Variants in TCOF1 observed in about 807,000 individuals in gnomAD.
TCOF1 encodes the protein treacle ribosome biogenesis factor 1.
In TCOF1, 33 loss-of-function variants were observed where a neutral mutation model predicts 149.0. The observed-to-expected ratio is 0.22, with a 90% CI of 0.17 to 0.30. TCOF1 has a LOEUF of 0.30. Among genes scored for constraint, TCOF1 ranks in the 10% least tolerant of loss-of-function variants. The pLI is 1.00. For synonymous variants in TCOF1, 789 were observed against 738.8 expected (o/e 1.07, Z -1.10); for missense variants, 1,728 against 1,840.7 (o/e 0.94, Z 1.12).
Position 150,393,426 on chromosome 5 carries a change from T to C in TCOF1, c.3658T>C (p.Ser1220Pro), listed in dbSNP as rs746397186. 141 of 1,613,944 alleles carry C rather than the reference T, an allele frequency of 8.7e-5. No homozygotes were observed. The highest frequency in any genetic ancestry group is 1.1e-4 in the Non-Finnish European group (135 of 1,180,010). ...PGLTPANSQA[S>P]KATPKLDSSP... ...ACTAACCCCAGCCAATTCCCAGGCC[T>C]CAAAAGCCACTCCCAAGCTAGACTC... is the stretch of plus-strand genomic sequence containing the variant. Residue 1220 changes from serine (S) to proline (P), a missense_variant, in exon 23 of 27, where the codon TCA becomes CCA. Transcript: ENST00000643257.
At chr5:150,388,161 G>T in intron 18 of TCOF1, 73 bp downstream of exon 18, 1 of 1,593,910 alleles carries the variant, frequency 6.3e-7, no homozygotes, top group South Asian at 1.1e-5. Flanking sequence ...GAAGGGACAG[G>T]ACACTGGCTG....
At chr5:150,363,099 A>G (rs537806286) in intron 2 of TCOF1, among the ~76,000 whole-genome samples, 1 of 152,106 alleles carries the variant, frequency 6.6e-6, no homozygotes, top group Non-Finnish European at 1.5e-5. Flanking sequence ...TACCGGTTGG[A>G]GGCTCCCCGA....
intron 15 of TCOF1, 59 bp from the exon 16 acceptor site, chr5:150,379,170 G>T (rs917269472): frequency 1.2e-6 from 2 of 1,613,988 alleles, no homozygotes; most frequent in Non-Finnish European, 1.7e-6. Flanking sequence ...CCATAGTGGG[G>T]AGTGGGACCT....
rs750054241 is a variant in TCOF1, at chr5:150,367,912, G to A, written c.373G>A (p.Ala125Thr). The A allele has an allele frequency of 6.2e-7, 1 of 1,614,166 alleles. No individual in the cohort carries two copies. Among genetic ancestry groups the A allele is most frequent in the Non-Finnish European group, 8.5e-7 (1 of 1,180,008 alleles). ...ADLPSSMKEK[A>T]KAETEKAGKT... The stretch of plus-strand genomic sequence containing the variant: ...CTTGCCATCAAGCATGAAAGAAAAA[G>A]CCAAGGTGAGTGGGACTGCCTTCCA... The change falls in exon 4 of 27, where the codon GCC becomes ACC. Residue 125 changes from alanine (A) to threonine (T), a missense_variant. Ala to Thr is a moderately conservative substitution (Grantham distance 58, BLOSUM62 0). This residue lies in a region of TCOF1 where 1,696 missense variants were observed against 1,765.4 expected (regional missense o/e 0.96). Coordinates refer to ENST00000643257, the MANE Select transcript of TCOF1 (RefSeq NM_001371623.1).
In TCOF1 at chr5:150,391,641, C is replaced by T. The variant is rs1356840664; in HGVS notation, c.3281C>T (p.Thr1094Ile). ...GAGGCTCAGCCTCCTGTTGCCAGGACCCAGCCTTCAAGTGGGGTGAGCTTG... is the reference window on the plus strand; with the variant it reads ...GAGGCTCAGCCTCCTGTTGCCAGGATCCAGCCTTCAAGTGGGGTGAGCTTG... Reference protein sequence around the residue: ...ASEAQPPVARTQPSSGVDSAV... With the variant: ...ASEAQPPVARIQPSSGVDSAV... The change falls in exon 20 of 27, where the codon ACC becomes ATC. Residue 1094 changes from threonine (T) to isoleucine (I), a missense_variant. Physicochemically the swap from Thr to Ile is moderately conservative, Grantham distance 89 (BLOSUM62 -1). Coordinates refer to ENST00000643257, the MANE Select transcript of TCOF1 (RefSeq NM_001371623.1). 1 of 1,613,990 alleles carries T rather than the reference C, an allele frequency of 6.2e-7. No homozygotes were observed. Among genetic ancestry groups the T allele is most frequent in the South Asian group, 1.1e-5 (1 of 91,086 alleles).
At position 150,372,184 on chromosome 5, in the gene TCOF1, G is replaced by C; in HGVS notation, c.818G>C (p.Ser273Thr). Residue 273 changes from serine (S) to threonine (T), a missense_variant, in exon 7 of 27, where the codon AGT (serine) becomes ACT (threonine). Ser to Thr is a moderately conservative substitution (Grantham distance 58, BLOSUM62 1). Around this residue, in one of 2 missense-constraint regions of TCOF1, gnomAD observed 1,696 missense variants for 1,765.4 expected, o/e 0.96. Transcript: ENST00000643257. ...AAGCCAGAAGAGGAGTCAGAGAGTA[G>C]TGAGGAGGGATCTGAAAGTGAGGAG... ...AKKPEEESES[S>T]EEGSESEEEA... The C allele has an allele frequency of 6.2e-7, 1 of 1,602,402 alleles. No individual in the cohort carries two copies. The highest frequency in any genetic ancestry group is 8.6e-7 in the Non-Finnish European group (1 of 1,169,584).
In TCOF1 at chr5:150,380,086, GA is replaced by G. The variant is rs878900348; in HGVS notation, c.2859+362del. Reference sequence around the variant, plus strand: ...AGACTGTCTCAAAAAAAAAAAAAAAGAAAAAAAAGAAAAGTGAAAAACCAGG... The same window carrying G: ...AGACTGTCTCAAAAAAAAAAAAAAAGAAAAAAAGAAAAGTGAAAAACCAGG... On this transcript the variant is annotated intron_variant, in intron 17 of 26. Transcript: ENST00000643257. The G allele has an allele frequency of 6.1e-5, 15 of 246,602 alleles. No homozygotes were observed. The East Asian group carries it at 1.2e-3, about 20-fold the overall frequency. The allele number at this position is 246,602 out of a possible 1,614,324, so 15.3% of individuals were successfully genotyped here.
intron 24 of TCOF1, among the ~76,000 whole-genome samples, chr5:150,397,469 A>C (rs1442606997): frequency 1.3e-5 from 2 of 152,132 alleles, no homozygotes; most frequent in Non-Finnish European, 2.9e-5. Flanking sequence ...GTGCTGTTCT[A>C]GACTCCGCAT....
intron 24 of TCOF1, among the ~76,000 whole-genome samples, chr5:150,398,107 G>C (rs1768950830): frequency 6.6e-6 from 1 of 152,170 alleles, no homozygotes; most frequent in Non-Finnish European, 1.5e-5. Context: ...ATTTTTTGTA[G>C]AGACAGGTCT....
At chr5:150,383,938 T>G (rs1389018131) in intron 17 of TCOF1, 2 of 1,477,828 alleles carry the variant, frequency 1.4e-6, no homozygotes, top group African/African-American at 2.8e-5. Flanking sequence ...GGTCCAAGCT[T>G]CTGTGTGAAC....
chr5:150,375,385 T>C lies in TCOF1; in HGVS notation c.1535T>C (p.Met512Thr), dbSNP rs201458471. 215 of 1,612,310 alleles carry C rather than the reference T, an allele frequency of 1.3e-4. 1 individual carries two copies. In the African/African-American group the frequency reaches 2.4e-3, roughly 18 times the overall value. The change falls in exon 11 of 27, where the codon ATG becomes ACG. Residue 512 changes from methionine to threonine, a missense_variant. Physicochemically the swap from Met to Thr is moderately conservative, Grantham distance 81. This residue lies in a region of TCOF1 where 1,696 missense variants were observed against 1,765.4 expected (regional missense o/e 0.96). Transcript: ENST00000643257. Reference protein sequence around the residue: ...KSPQVKPASTMGMGPLGKGAG... With the variant: ...KSPQVKPASTTGMGPLGKGAG... Reference sequence around the variant, plus strand: ...CCCCAGGTGAAACCTGCCTCTACCATGGGCATGGGGCCCTTGGGGAAAGGC... The same window carrying C: ...CCCCAGGTGAAACCTGCCTCTACCACGGGCATGGGGCCCTTGGGGAAAGGC...
intron 3 of TCOF1, among the ~76,000 whole-genome samples, chr5:150,367,315 T>TAAG (rs1761579947): frequency 6.6e-6 from 1 of 151,964 alleles, no homozygotes; most frequent in East Asian, 1.9e-4. Context: ...AGTAAATAAA[T>TAAG]AAGCACTGAG....
Position 150,369,621 on chromosome 5 carries a change from T to C in TCOF1, c.639+19T>C, listed in dbSNP as rs1487611700. Reference sequence around the variant, plus strand: ...CGTGGAGGTAATTGCCACCCATCCCTAGGAGTTGCCCTCTCCCAGCCTCTA... The same window carrying C: ...CGTGGAGGTAATTGCCACCCATCCCCAGGAGTTGCCCTCTCCCAGCCTCTA... On this transcript the variant is annotated intron_variant, in intron 6 of 26. Transcript: ENST00000643257. 1 of 1,613,766 alleles carries C rather than the reference T, an allele frequency of 6.2e-7. No individual in the cohort carries two copies. Among genetic ancestry groups the C allele is most frequent in the Admixed American group, 1.7e-5 (1 of 59,988 alleles).
At chr5:150,391,488 C>A in intron 19 of TCOF1, 56 bp from the exon 20 acceptor site, 1 of 1,469,736 alleles carries the variant, frequency 6.8e-7, no homozygotes, top group Non-Finnish European at 9.5e-7. Context: ...CAGGGTGTGG[C>A]ACAGCTGGCA....
intron 19 of TCOF1, 22 bp downstream of exon 19, chr5:150,390,045 G>A (rs1361681723): frequency 2.5e-6 from 4 of 1,592,462 alleles, no homozygotes; most frequent in East Asian, 4.6e-5. Flanking sequence ...GCAAGGGAGG[G>A]TAATGCAGGC....
Position 150,375,136 on chromosome 5 carries a change from G to A in TCOF1, c.1461G>A (p.Glu487=). The part of the protein sequence containing the change: ...SSSEESDSDR[E]ALAAMNAAQV... Reference sequence around the variant, plus strand: ...GCGAGGAGTCAGACAGTGACAGAGAGGCACTGGCAGCCATGAATGCAGCTC... The same window carrying A: ...GCGAGGAGTCAGACAGTGACAGAGAAGCACTGGCAGCCATGAATGCAGCTC... Residue 487 remains glutamate (E), a synonymous_variant, in exon 10 of 27, where the codon GAG becomes GAA. Coordinates refer to ENST00000643257, the MANE Select transcript of TCOF1 (RefSeq NM_001371623.1). 1.2e-6 allele frequency: 2 copies of A among 1,613,478 alleles called. No homozygotes were observed. Among genetic ancestry groups the A allele is most frequent in the Non-Finnish European group, 1.7e-6 (2 of 1,179,824 alleles).
intron 18 of TCOF1, among the ~76,000 whole-genome samples, chr5:150,389,633 T>A (rs1289941701): frequency 2.0e-5 from 3 of 152,292 alleles, no homozygotes; most frequent in Admixed American, 2.0e-4. Flanking sequence ...CCCGACCAGT[T>A]GGGAGGGGAG....
chr5:150,398,852 G>A (rs1561544682), intron 25 of TCOF1, among the ~76,000 whole-genome samples, 170 bp from the exon 26 acceptor site: 1 of 152,358 alleles, frequency 6.6e-6, no homozygotes, highest in Non-Finnish European at 1.5e-5. Context: ...TGGCCAGCAG[G>A]GCCTCAGCTG....
chr5:150,358,201 C>G (rs765658227), intron 1 of TCOF1, among the ~76,000 whole-genome samples: 1 of 152,000 alleles, frequency 6.6e-6, no homozygotes, highest in African/African-American at 2.4e-5. Context: ...TCTGCGCGGC[C>G]CCCCCTGGGG....
Sources: gnomAD v4.1 joint callset for allele counts (sites outside exome capture counted in the v4.1 genomes callset) on GRCh38, gnomAD v4.1.1 for gene constraint, gnomAD v4.1.1 regional missense constraint, MANE v1.5 for transcripts, NCBI Gene and HGNC (gene_info 2026-07-23, HGNC 2026-07-21) for gene names.